Variants in PSD3 observed in about 807,000 individuals in gnomAD.
The protein encoded by PSD3 is PH and SEC7 domain-containing protein 3.
A neutral mutation model predicts 105.5 loss-of-function variants in PSD3; 49 were observed. The observed-to-expected ratio is 0.46, with a 90% CI of 0.37 to 0.59. PSD3 has a LOEUF of 0.59. PSD3 is among the 20% of genes least tolerant of loss of function. PSD3 has a pLI of 0.00. For missense variants in PSD3, 1,561 were observed against 1,263.8 expected (o/e 1.24, Z -3.57); for synonymous variants, 557 against 457.8 (o/e 1.22, Z -2.77).
At position 18,530,294 on chromosome 8, in the gene PSD3, A is replaced by G. The variant is rs1045688303; in HGVS notation, c.*5449T>C. The G allele has an allele frequency of 2.0e-5, 3 of 152,614 alleles. No homozygotes were observed. The highest frequency in any genetic ancestry group is 7.2e-5 in the African/African-American group (3 of 41,462). The allele number at this position is 152,614 out of a possible 1,614,324, so 9.5% of individuals were successfully genotyped here. A position where few individuals can be genotyped will look rare whatever the true frequency, so the allele number is the denominator to read the frequency against. On this transcript the variant is annotated 3_prime_UTR_variant, in exon 16 of 16. Transcript: ENST00000327040. ...GGGAGAGGCAGGAAAAAGAGACCTAAGTATAAAAATATTTAAAATAAAGTT... is the reference window on the plus strand; with the variant it reads ...GGGAGAGGCAGGAAAAAGAGACCTAGGTATAAAAATATTTAAAATAAAGTT...
intron 4 of PSD3, among the ~76,000 whole-genome samples, chr8:18,844,104 T>C (rs1395911856): frequency 6.6e-6 from 1 of 152,106 alleles, no homozygotes; most frequent in Non-Finnish European, 1.5e-5. Context: ...AATTTTAACA[T>C]AATTATGGGA....
At chr8:18,878,841 G>A (rs533508967) in intron 2 of PSD3, among the ~76,000 whole-genome samples, 1 of 152,154 alleles carries the variant, frequency 6.6e-6, no homozygotes, top group African/African-American at 2.4e-5. Flanking sequence ...GCTTCCAAAG[G>A]CAATAATGTT....
chr8:18,842,716 A>G (rs7829902), intron 4 of PSD3, among the ~76,000 whole-genome samples: 88,093 of 151,832 alleles, frequency 0.58, 26,096 homozygotes, highest in African/African-American at 0.66. Flanking sequence ...CTGGGCGACA[A>G]AGCGAGACTC....
rs1799796967 is a variant in PSD3, at chr8:18,535,395, TA to T, written c.*347del. The T allele has an allele frequency of 5.2e-5, 12 of 229,300 alleles. No individual in the cohort carries two copies. Among genetic ancestry groups the T allele is most frequent in the East Asian group, 9.9e-5 (1 of 10,066 alleles). The allele number at this position is 229,300 out of a possible 1,614,324, so 14.2% of individuals were successfully genotyped here. On this transcript the variant is annotated 3_prime_UTR_variant, in exon 16 of 16. Transcript: ENST00000327040. ...CACAATGGATTAAATTCTTTAACCT[TA>T]AAAAAAAGTTTAACAGTTGATATGA...
At chr8:18,568,458 C>T (rs1376685954) in intron 14 of PSD3, among the ~76,000 whole-genome samples, 1 of 151,138 alleles carries the variant, frequency 6.6e-6, no homozygotes, top group Non-Finnish European at 1.5e-5. Context: ...GGGGGGAAAT[C>T]AAGAGACAGT....
intron 9 of PSD3, among the ~76,000 whole-genome samples, chr8:18,724,493 C>T (rs1418127581): frequency 1.3e-5 from 2 of 151,740 alleles, no homozygotes; most frequent in Admixed American, 1.3e-4. Flanking sequence ...ACCTGTAATC[C>T]CAGCTACTTG....
intron 1 of PSD3, among the ~76,000 whole-genome samples, chr8:19,039,612 C>A (rs1332083051): frequency 6.6e-6 from 1 of 152,172 alleles, no homozygotes; most frequent in African/African-American, 2.4e-5. Context: ...AATATCATGT[C>A]CCTCCCAACC....
At chr8:18,799,838 T>C (rs1242458051) in intron 7 of PSD3, among the ~76,000 whole-genome samples, 1 of 152,226 alleles carries the variant, frequency 6.6e-6, no homozygotes, top group Non-Finnish European at 1.5e-5. Context: ...TTGTTCTCGT[T>C]ACTCTCACTC....
intron 11 of PSD3, among the ~76,000 whole-genome samples, chr8:18,631,137 G>A (rs917041123): frequency 6.6e-5 from 10 of 151,944 alleles, no homozygotes; most frequent in African/African-American, 2.2e-4. Flanking sequence ...GCTGCAGTTG[G>A]GCAGGCATGT....
At chr8:19,049,286 G>T (rs945082259) in intron 1 of PSD3, among the ~76,000 whole-genome samples, 16 of 152,134 alleles carry the variant, frequency 1.1e-4, no homozygotes, top group African/African-American at 2.9e-4. Flanking sequence ...ATCTCCCATC[G>T]TCGTAGTCCT....
chr8:18,920,191 T>G (rs546595143), intron 2 of PSD3, among the ~76,000 whole-genome samples: 2 of 152,250 alleles, frequency 1.3e-5, no homozygotes, highest in South Asian at 4.1e-4. Context: ...AAAACAGCAA[T>G]TCTCAACTCT....
chr8:18,591,785 G>A (rs1017166369), intron 12 of PSD3, among the ~76,000 whole-genome samples: 6 of 152,154 alleles, frequency 3.9e-5, no homozygotes, highest in Non-Finnish European at 5.9e-5. Flanking sequence ...CATACACTTG[G>A]TGGCTGCTTA....
upstream of PSD3, chr8:19,013,829 C>CGGGGGG (rs778094529): frequency 0.11 from 15,193 of 134,038 alleles, 1,189 homozygotes; most frequent in Non-Finnish European, 0.16. Context: ...GTGGCGGGCC[C>CGGGGGG]CGGGGGCGGA....
At chr8:18,546,729 G>A (rs1218526435) in intron 15 of PSD3, among the ~76,000 whole-genome samples, 1 of 152,084 alleles carries the variant, frequency 6.6e-6, no homozygotes, top group Non-Finnish European at 1.5e-5. Flanking sequence ...TAGGTCTCCA[G>A]AACTTATGCA....
At chr8:18,561,725 T>C (rs1801407459) in intron 14 of PSD3, among the ~76,000 whole-genome samples, 1 of 152,198 alleles carries the variant, frequency 6.6e-6, no homozygotes, top group South Asian at 2.1e-4. Context: ...CCTATTTATA[T>C]AGTACTTAGG....
Position 18,841,467 on chromosome 8 carries a change from A to AACACACACACACAC in PSD3, c.1634+26193_1634+26206dup, listed in dbSNP as rs35771611. Among the ~76,000 whole-genome samples the AACACACACACACAC allele has an allele frequency of 4.3e-3, 642 of 148,230 alleles. 2 individuals carry two copies. Among genetic ancestry groups the AACACACACACACAC allele is most frequent in the African/African-American group, 8.4e-3 (343 of 40,652 alleles). ...TATTTTTAAGAGTGTCTGCTATTTA[A>AACACACACACACAC]ACACACACACACACACACACACACA... is the stretch of plus-strand genomic sequence containing the variant. On this transcript the variant is annotated intron_variant, in intron 4 of 15. Coordinates refer to ENST00000327040, the MANE Select transcript of PSD3 (RefSeq NM_015310.4).
chr8:18,538,208 T>C (rs1400674831), intron 15 of PSD3, among the ~76,000 whole-genome samples: 1 of 152,224 alleles, frequency 6.6e-6, no homozygotes, highest in Non-Finnish European at 1.5e-5. Flanking sequence ...CCACTGTTTA[T>C]CAAGTATTGT....
At chr8:18,611,766 T>C (rs1450442820) in intron 11 of PSD3, among the ~76,000 whole-genome samples, 3 of 78,490 alleles carry the variant, frequency 3.8e-5, no homozygotes, top group Non-Finnish European at 6.0e-5. Context: ...TTAAGGGACC[T>C]GGATGGATCA....
At chr8:18,674,884 C>G (rs753910150) in intron 9 of PSD3, among the ~76,000 whole-genome samples, 14 of 151,972 alleles carry the variant, frequency 9.2e-5, no homozygotes, top group Non-Finnish European at 1.9e-4. Context: ...TGACATGTGC[C>G]TAGTTACTCA....
Sources: gnomAD v4.1 joint callset for allele counts (sites outside exome capture counted in the v4.1 genomes callset) on GRCh38, gnomAD v4.1.1 for gene constraint, MANE v1.5 for transcripts, NCBI Gene and HGNC (gene_info 2026-07-23, HGNC 2026-07-21) for gene names.